Variants in UST observed in about 807,000 individuals in gnomAD.
The protein encoded by UST is chondroitin sulfate 2-O-sulfotransferase.
A neutral mutation model predicts 45.6 loss-of-function variants in UST; 21 were observed. The ratio of observed to expected loss-of-function variants is 0.46; its 90% confidence interval spans 0.33 to 0.66. The LOEUF (loss-of-function observed/expected upper bound fraction) is 0.66, where lower values mean the gene tolerates loss of function less well. UST is among the 30% of genes least tolerant of loss of function. The probability of loss-of-function intolerance (pLI) is 0.02; values close to 1 mark genes in which losing one functional copy is unlikely to be tolerated. For missense variants in UST, 463 were observed against 512.4 expected, an observed-to-expected ratio of 0.90 and a Z score of 0.93; for synonymous variants, 215 against 200.6, an observed-to-expected ratio of 1.07 and a Z score of -0.61.
At chr6:148,894,273 C>A (rs1216563692) in intron 2 of UST, among the ~76,000 whole-genome samples, 2 of 152,164 alleles carry the variant, frequency 1.3e-5, no homozygotes, top group African/African-American at 4.8e-5. Context: ...ACATTGGATC[C>A]TAACCCCAGA....
chr6:149,042,979 C>G (rs1210022013), intron 7 of UST, among the ~76,000 whole-genome samples: 2 of 114,236 alleles, frequency 1.8e-5, no homozygotes, highest in Non-Finnish European at 3.6e-5. Context: ...TTCTTTCTTT[C>G]TTTCTTTCTT....
chr6:148,863,192 G>A (rs545446214), intron 1 of UST, among the ~76,000 whole-genome samples: 5 of 152,046 alleles, frequency 3.3e-5, no homozygotes, highest in Admixed American at 2.0e-4. Flanking sequence ...GGCTTTGTTC[G>A]TTTATTTTTA....
At chr6:148,970,745 T>G (rs1280116538) in intron 5 of UST, among the ~76,000 whole-genome samples, 1 of 152,044 alleles carries the variant, frequency 6.6e-6, no homozygotes, top group Non-Finnish European at 1.5e-5. Flanking sequence ...TGCCCAGGGG[T>G]TCTCAGTTCT....
intron 5 of UST, chr6:149,005,412 G>A (rs1284832600): frequency 1.0e-6 from 1 of 985,322 alleles, no homozygotes; most frequent in African/African-American, 1.7e-5. Context: ...GGTGACCTCT[G>A]GGAGCCTTCT....
intron 1 of UST, among the ~76,000 whole-genome samples, chr6:148,782,871 T>A (rs1265704528): frequency 6.6e-6 from 1 of 152,266 alleles, no homozygotes; most frequent in African/African-American, 2.4e-5. Flanking sequence ...TTCATAAACT[T>A]AGTGGATAAA....
intron 1 of UST, among the ~76,000 whole-genome samples, chr6:148,838,877 C>T (rs1321883751): frequency 6.6e-6 from 1 of 152,072 alleles, no homozygotes; most frequent in African/African-American, 2.4e-5. Context: ...AGTGTGACTG[C>T]AGCGCGAGGC....
intron 5 of UST, among the ~76,000 whole-genome samples, chr6:148,971,065 A>T (rs2114967974): frequency 6.6e-6 from 1 of 152,254 alleles, no homozygotes; most frequent in South Asian, 2.1e-4. Context: ...ATAACTTAGC[A>T]GGGGGGAGAG....
chr6:148,872,310 A>G (rs1305266073), intron 1 of UST, among the ~76,000 whole-genome samples: 1 of 152,236 alleles, frequency 6.6e-6, no homozygotes, highest in Admixed American at 6.5e-5. Context: ...TGTCTATATG[A>G]GGCTTGATGA....
intron 7 of UST, among the ~76,000 whole-genome samples, chr6:149,061,200 T>C (rs1323916306): frequency 6.6e-6 from 1 of 152,168 alleles, no homozygotes; most frequent in African/African-American, 2.4e-5. Flanking sequence ...TTCCAGATTG[T>C]TTATTCTGGC....
intron 2 of UST, among the ~76,000 whole-genome samples, chr6:148,939,063 G>A (rs9399677): frequency 0.12 from 18,907 of 151,942 alleles, 1,277 homozygotes; most frequent in South Asian, 0.15. Context: ...AAAATCAATC[G>A]TATTTTTACC....
At chr6:148,758,895 C>T (rs1381377412) in intron 1 of UST, among the ~76,000 whole-genome samples, 2 of 152,336 alleles carry the variant, frequency 1.3e-5, no homozygotes, top group African/African-American at 4.8e-5. Context: ...TCATCCAGCA[C>T]AGAGCTTCCT....
intron 7 of UST, among the ~76,000 whole-genome samples, chr6:149,046,809 G>A (rs1776403953): frequency 2.6e-5 from 4 of 152,216 alleles, no homozygotes; most frequent in Admixed American, 2.6e-4. Flanking sequence ...TGAAAGGAGA[G>A]ACCAACACAA....
intron 7 of UST, among the ~76,000 whole-genome samples, chr6:149,046,819 A>G (rs1022835082): frequency 1.3e-5 from 2 of 152,192 alleles, no homozygotes; most frequent in African/African-American, 2.4e-5. Flanking sequence ...GACCAACACA[A>G]TTGTTCCAAA....
chr6:148,820,339 C>G (rs1459061512), intron 1 of UST, among the ~76,000 whole-genome samples: 1 of 152,080 alleles, frequency 6.6e-6, no homozygotes, highest in Non-Finnish European at 1.5e-5. Context: ...TACACATTCT[C>G]TTTCTGTATA....
intron 5 of UST, among the ~76,000 whole-genome samples, chr6:148,970,736 G>T (rs1695822884): frequency 6.6e-6 from 1 of 152,196 alleles, no homozygotes; most frequent in Admixed American, 6.5e-5. Flanking sequence ...TGCCCAGGCT[G>T]CCCAGGGGTT....
chr6:148,814,852 C>T (rs1164477851), intron 1 of UST, among the ~76,000 whole-genome samples: 3 of 152,050 alleles, frequency 2.0e-5, no homozygotes, highest in African/African-American at 7.2e-5. Context: ...AGGGTCAGCC[C>T]CTGTTGTTTC....
intron 1 of UST, among the ~76,000 whole-genome samples, chr6:148,813,291 T>C (rs1777293603): frequency 6.6e-6 from 1 of 152,168 alleles, no homozygotes; most frequent in Non-Finnish European, 1.5e-5. Context: ...ACCCTTTTTT[T>C]CTTTTAAATT....
At chr6:148,892,013 G>T (rs35946167) in intron 2 of UST, among the ~76,000 whole-genome samples, 1 of 151,932 alleles carries the variant, frequency 6.6e-6, no homozygotes, top group African/African-American at 2.4e-5. Flanking sequence ...AGGATGGTCC[G>T]GGTTCTTTTC....
intron 1 of UST, among the ~76,000 whole-genome samples, chr6:148,830,873 A>C (rs775741421): frequency 3.9e-5 from 6 of 152,096 alleles, no homozygotes; most frequent in Middle Eastern, 6.3e-3. Context: ...AGTTATGGAG[A>C]GGGATAGTGG....
Sources: allele counts gnomAD v4.1 joint callset (sites outside exome capture counted in the v4.1 genomes callset), GRCh38; gene constraint gnomAD v4.1.1; transcripts MANE v1.5; gene names NCBI Gene and HGNC (gene_info 2026-07-23, HGNC 2026-07-21).